Variants in RANBP17 observed in about 807,000 individuals in gnomAD.
RANBP17 encodes ran-binding protein 17.
In RANBP17, 158 loss-of-function variants were observed where a neutral mutation model predicts 141.2. The observed-to-expected ratio is 1.12, with a 90% CI of 0.98 to 1.28. The LOEUF is 1.28. Ranked by LOEUF, RANBP17 falls within the 50% of genes most tolerant of loss-of-function variation. The probability of loss-of-function intolerance (pLI) is 0.00; values close to 1 mark genes in which losing one functional copy is unlikely to be tolerated. For missense variants in RANBP17, 1,438 were observed against 1,290.7 expected (o/e 1.11, Z -1.75); for synonymous variants, 430 against 450.0 (o/e 0.96, Z 0.56).
intron 13 of RANBP17, among the ~76,000 whole-genome samples, chr5:170,962,925 C>T (rs1445865497): frequency 6.6e-6 from 1 of 152,082 alleles, no homozygotes; most frequent in East Asian, 1.9e-4. Flanking sequence ...TTTTCGTATG[C>T]TGTGACCTAG....
intron 14 of RANBP17, among the ~76,000 whole-genome samples, chr5:171,030,187 G>C (rs1349204913): frequency 2.0e-5 from 3 of 152,054 alleles, no homozygotes. Flanking sequence ...TAAGAATACT[G>C]TTGGCTTCTT....
Position 170,935,519 on chromosome 5 carries a change from T to C in RANBP17, c.1468+10969T>C, listed in dbSNP as rs532425395. On this transcript the variant is annotated intron_variant, in intron 12 of 27. Transcript: ENST00000523189. ...GGATGTCCTTTCTGTTTGTTAGTTT[T>C]CCTTCTAACAGTCAGGACCCTCAGC... Among the ~76,000 whole-genome samples the C allele has an allele frequency of 3.3e-5, 5 of 152,334 alleles. No homozygotes were observed. In the East Asian group the frequency reaches 9.7e-4, roughly 29 times the overall value.
chr5:170,980,163 G>A (rs1004476231), intron 14 of RANBP17, among the ~76,000 whole-genome samples: 3 of 152,266 alleles, frequency 2.0e-5, no homozygotes, highest in Admixed American at 2.0e-4. Flanking sequence ...AGGGTATCTG[G>A]TGGAAGACAT....
chr5:171,029,061 C>A, intron 14 of RANBP17: 1 of 472,972 alleles, frequency 2.1e-6, no homozygotes, highest in Non-Finnish European at 3.2e-6. Flanking sequence ...GGCATGAACT[C>A]ACTCAGCATC....
chr5:171,196,409 A>G (rs2127948933), intron 18 of RANBP17, among the ~76,000 whole-genome samples: 1 of 152,344 alleles, frequency 6.6e-6, no homozygotes, highest in Non-Finnish European at 1.5e-5. Context: ...TCTGTCGCTC[A>G]GAATATTAAG....
rs979212716 is a variant in RANBP17, at chr5:170,874,635, C to A, written c.19-3462C>A. ...GGTTTAAAGTCTGTTTTGTCAGAAA[C>A]TAGGATTTTAACCCCTGCTTTTTTT... On this transcript the variant is annotated intron_variant, in intron 1 of 27. Coordinates refer to ENST00000523189, the MANE Select transcript of RANBP17 (RefSeq NM_022897.5). Among the ~76,000 whole-genome samples the A allele has an allele frequency of 2.1e-5, 3 of 139,990 alleles. No individual in the cohort carries two copies. In the Admixed American group the frequency reaches 2.2e-4, roughly 10 times the overall value. 91.8% of individuals were successfully genotyped at this position (139,990 alleles called of 152,430 possible).
At chr5:171,100,033 G>T (rs144067753) in intron 14 of RANBP17, among the ~76,000 whole-genome samples, 2 of 152,100 alleles carry the variant, frequency 1.3e-5, no homozygotes, top group Non-Finnish European at 2.9e-5. Flanking sequence ...TTTTCGCATC[G>T]ATGTTCATCA....
rs181273503 is a variant in RANBP17 at position 171,212,984 on chromosome 5, G to A, written c.2232-647G>A. ...GAGAATGTCTCCTTGTGTGTACATGGGACTATCTTTAGTGACACTGATGTT... is the reference window on the plus strand; with the variant it reads ...GAGAATGTCTCCTTGTGTGTACATGAGACTATCTTTAGTGACACTGATGTT... On this transcript the variant is annotated intron_variant, in intron 20 of 27. Coordinates refer to ENST00000523189, the MANE Select transcript of RANBP17 (RefSeq NM_022897.5). Among the ~76,000 whole-genome samples, 525 of 152,118 alleles carry A rather than the reference G, an allele frequency of 3.5e-3. 1 individual carries two copies. The highest frequency in any genetic ancestry group is 4.8e-3 in the Non-Finnish European group (327 of 67,988).
chr5:171,129,807 C>CTGGGCT (rs1356101402), intron 14 of RANBP17, among the ~76,000 whole-genome samples: 1 of 152,178 alleles, frequency 6.6e-6, no homozygotes, highest in Non-Finnish European at 1.5e-5. Flanking sequence ...GTTCCACCCT[C>CTGGGCT]TGGGCTTGTA....
At chr5:171,201,955 G>T (rs561530033) in intron 19 of RANBP17, among the ~76,000 whole-genome samples, 1 of 152,282 alleles carries the variant, frequency 6.6e-6, no homozygotes, top group African/African-American at 2.4e-5. Flanking sequence ...AGGAGGTGAT[G>T]CTGTTAAAAT....
At chr5:170,945,592 ACTG>A (rs1227367422) in intron 12 of RANBP17, among the ~76,000 whole-genome samples, 1 of 152,174 alleles carries the variant, frequency 6.6e-6, no homozygotes, top group Non-Finnish European at 1.5e-5. Flanking sequence ...GCTAAATTGT[ACTG>A]CTTCCCTTTT....
At chr5:171,090,898 C>T (rs2608100) in intron 14 of RANBP17, among the ~76,000 whole-genome samples, 94,933 of 152,064 alleles carry the variant, frequency 0.62, 30,766 homozygotes, top group South Asian at 0.89. Flanking sequence ...AAAAGATGTA[C>T]GGAAACATCT....
rs141943582 is a variant in RANBP17 at position 170,983,964 on chromosome 5, A to C, written c.1710+15587A>C. On this transcript the variant is annotated intron_variant, in intron 14 of 27. Coordinates refer to ENST00000523189, the MANE Select transcript of RANBP17 (RefSeq NM_022897.5). ...AATGTGCAAAGCCTTAAAGCTCTAC[A>C]TTGGAAGAAATCCAGATAGGTTAGT... is the stretch of plus-strand genomic sequence containing the variant. Among the ~76,000 whole-genome samples the C allele has an allele frequency of 4.1e-3, 620 of 152,312 alleles. 5 individuals are homozygous for C. The highest frequency in any genetic ancestry group is 0.014 in the African/African-American group (598 of 41,568).
chr5:171,116,621 G>T (rs1012536130), intron 14 of RANBP17, among the ~76,000 whole-genome samples: 8 of 152,128 alleles, frequency 5.3e-5, no homozygotes, highest in African/African-American at 1.9e-4. Context: ...GTAGTGATCA[G>T]ATCAGGATTA....
intron 14 of RANBP17, among the ~76,000 whole-genome samples, chr5:171,152,405 A>G (rs11134677): frequency 0.55 from 81,529 of 148,716 alleles, 24,461 homozygotes; most frequent in South Asian, 0.7. Context: ...CGACAGAACG[A>G]GACTCTATCT....
chr5:170,866,763 T>A (rs1246017195), intron 1 of RANBP17: 1 of 152,128 alleles, frequency 6.6e-6, no homozygotes, highest in African/African-American at 2.4e-5. Context: ...TATATCTTTC[T>A]AGATTTCCAA....
chr5:171,109,271 T>C (rs1755055610), intron 14 of RANBP17, among the ~76,000 whole-genome samples: 1 of 152,238 alleles, frequency 6.6e-6, no homozygotes, highest in Non-Finnish European at 1.5e-5. Context: ...TTATCTATTA[T>C]AGTTTAAAGA....
intron 22 of RANBP17, among the ~76,000 whole-genome samples, chr5:171,237,485 C>A (rs1764613770): frequency 6.6e-6 from 1 of 152,176 alleles, no homozygotes; most frequent in Admixed American, 6.6e-5. Context: ...TCACAGTATT[C>A]TTTTCCCCTG....
chr5:170,886,787 A>G (rs1364708844), intron 3 of RANBP17, among the ~76,000 whole-genome samples: 3 of 151,128 alleles, frequency 2.0e-5, no homozygotes, highest in African/African-American at 4.9e-5. Context: ...CAGCCTCCCA[A>G]GTAGTTGGGA....
Sources: gnomAD v4.1 joint callset for allele counts (sites outside exome capture counted in the v4.1 genomes callset) on GRCh38, gnomAD v4.1.1 for gene constraint, MANE v1.5 for transcripts, NCBI Gene and HGNC (gene_info 2026-07-23, HGNC 2026-07-21) for gene names.